Variants in AHDC1 observed in about 807,000 individuals in gnomAD.
AHDC1 encodes AT-hook DNA binding motif containing 1, also known as transcription factor Gibbin.
In AHDC1, 7 loss-of-function variants were observed where a neutral mutation model predicts 87.9. That is an observed-to-expected ratio of 0.08 (90% CI 0.05 to 0.15). The LOEUF is 0.15. AHDC1 is among the 10% of genes least tolerant of loss of function. AHDC1 has a pLI of 1.00. For missense variants in AHDC1, 1,841 were observed against 2,253.2 expected (o/e 0.82, Z 3.70); for synonymous variants, 1,051 against 1,006.8 (o/e 1.04, Z -0.83).
At chr1:27,557,301 C>T (rs992062809) in intron 5 of AHDC1, among the ~76,000 whole-genome samples, 1 of 151,238 alleles carries the variant, frequency 6.6e-6, no homozygotes, top group Non-Finnish European at 1.5e-5. Context: ...TTCCAGACTC[C>T]CGTCCTTGTC....
intron 3 of AHDC1, among the ~76,000 whole-genome samples, chr1:27,574,917 C>G (rs562728341): frequency 6.6e-6 from 1 of 152,332 alleles, no homozygotes; most frequent in East Asian, 1.9e-4. Context: ...CTTCTCTGGA[C>G]TCTGGGGCCT....
At position 27,548,260 on chromosome 1, in the gene AHDC1, G is replaced by A. The variant is rs1472036733; in HGVS notation, c.3856C>T (p.Arg1286Trp). 1.9e-6 allele frequency: 3 copies of A among 1,611,208 alleles called. No homozygotes were observed. The highest frequency in any genetic ancestry group is 2.5e-6 in the Non-Finnish European group (3 of 1,178,802). ...TTGGCTTTGGCCGCTGCGCCACCCC[G>A]CTCCTTCTTGGCTGAGCAGGCCCCA... ...GGGACSAKKE[R>W]GGAAAKAKFI... The change falls in exon 8 of 9, where the codon CGG (arginine) becomes TGG (tryptophan). Residue 1286 changes from arginine (R) to tryptophan (W), a missense_variant. Around this residue, in one of 13 missense-constraint regions of AHDC1, gnomAD observed 505 missense variants for 626.2 expected, o/e 0.81. Transcript: ENST00000673934.
chr1:27,593,719 C>T lies in AHDC1; in HGVS notation c.-629+9678G>A, dbSNP rs2089290643. Among the ~76,000 whole-genome samples the T allele has an allele frequency of 6.6e-6, 1 of 152,244 alleles. No homozygotes were observed. Among genetic ancestry groups the T allele is most frequent in the Non-Finnish European group, 1.5e-5 (1 of 68,040 alleles). On this transcript the variant is annotated intron_variant, in intron 3 of 8. Transcript: ENST00000673934. This position sits in a 1 kb window ranked among gnomAD's most constrained non-coding sequence, Gnocchi z 4.9. ...CTGAACCCCTCCCTATCTCACCAAT[C>T]CCTGCTATCCCCCCAGGGTGGGCAG...
intron 8 of AHDC1, among the ~76,000 whole-genome samples, chr1:27,538,480 T>C (rs1355180572): frequency 6.6e-6 from 1 of 150,754 alleles, no homozygotes; most frequent in Non-Finnish European, 1.5e-5. Context: ...CCAGAGTAAG[T>C]CCCTTCCCTC....
chr1:27,547,526 G>A lies in AHDC1; in HGVS notation c.4590C>T (p.Gly1530=), dbSNP rs746111715. ...CATAGCCAGCAGCGGCTGCAGCAGGGCCACGGGGTGGGCCAGGGGGCCGGG... is the reference window on the plus strand; with the variant it reads ...CATAGCCAGCAGCGGCTGCAGCAGGACCACGGGGTGGGCCAGGGGGCCGGG... ...EMARPPGPPR[G]PAAAAAGYGC... is the part of the protein sequence containing the mutation. The change falls in exon 8 of 9, where the codon GGC becomes GGT. Residue 1530 remains glycine, a synonymous_variant. Coordinates refer to ENST00000673934, the MANE Select transcript of AHDC1 (RefSeq NM_001371928.1). The surrounding 1 kb of genome is among the most constrained non-coding windows in gnomAD (Gnocchi z 4.9). 3.1e-6 allele frequency: 5 copies of A among 1,611,018 alleles called. No homozygotes were observed. The highest frequency in any genetic ancestry group is 2.2e-5 in the South Asian group (2 of 90,968).
chr1:27,573,468 C>T (rs114714443), intron 3 of AHDC1, among the ~76,000 whole-genome samples: 1,718 of 152,228 alleles, frequency 0.011, 27 homozygotes, highest in African/African-American at 0.038. Flanking sequence ...GAGGTGGAAC[C>T]GACTAGTTGG....
intron 8 of AHDC1, among the ~76,000 whole-genome samples, chr1:27,545,921 G>A (rs1213120095): frequency 6.6e-6 from 1 of 152,178 alleles, no homozygotes; most frequent in Non-Finnish European, 1.5e-5. Flanking sequence ...TCCTCCCGGA[G>A]GCCTCCGGAC....
Position 27,551,257 on chromosome 1 carries a change from C to T in AHDC1, c.859G>A (p.Ala287Thr), listed in dbSNP as rs755201756. The change falls in exon 8 of 9, where the codon GCA becomes ACA. Residue 287 changes from alanine to threonine, a missense_variant. Physicochemically the swap from Ala to Thr is moderately conservative, Grantham distance 58 (BLOSUM62 0). This residue lies in a region of AHDC1 where 370 missense variants were observed against 391.5 expected (regional missense o/e 0.95). Coordinates refer to ENST00000673934, the MANE Select transcript of AHDC1 (RefSeq NM_001371928.1). The part of the protein sequence containing the change: ...DPQPRFLDPQ[A>T]LEPLGEALEL... The stretch of plus-strand genomic sequence containing the variant: ...AGAGCTTCCCCGAGCGGCTCTAGTG[C>T]CTGCGGGTCCAGGAAGCGGGGCTGG... 2 of 1,609,958 alleles carry T rather than the reference C, an allele frequency of 1.2e-6. No homozygotes were observed. The highest frequency in any genetic ancestry group is 1.3e-5 in the African/African-American group (1 of 75,024).
chr1:27,544,373 T>C (rs1476015362), intron 8 of AHDC1, among the ~76,000 whole-genome samples: 6 of 152,080 alleles, frequency 3.9e-5, no homozygotes, highest in African/African-American at 1.4e-4. Context: ...CTGCCAGGTG[T>C]TTTCAGGTTT....
intron 3 of AHDC1, among the ~76,000 whole-genome samples, chr1:27,588,778 T>TA (rs1350431691): frequency 1.3e-5 from 2 of 152,018 alleles, no homozygotes; most frequent in Non-Finnish European, 2.9e-5. Flanking sequence ...TGTGTGTTTG[T>TA]AGGGGGGCTG....
chr1:27,552,068 GC>G lies in AHDC1; in HGVS notation c.47del (p.Cys16SerfsTer101). 6.7e-7 allele frequency: 1 copy of G among 1,498,252 alleles called. No homozygotes were observed. Among genetic ancestry groups the G allele is most frequent in the South Asian group, 1.3e-5 (1 of 76,182 alleles). The allele number at this position is 1,498,252 out of a possible 1,614,324, so 92.8% of individuals were successfully genotyped here. On this transcript the variant is annotated frameshift_variant, in exon 8 of 9. Transcript: ENST00000673934. LOFTEE classifies it high-confidence loss of function. ...GTTCCCGGAGGTAGTCAGGAGAGCTGCACACGGCACTGGAAGTCACCACCAG... is the reference window on the plus strand; with the variant it reads ...GTTCCCGGAGGTAGTCAGGAGAGCTGACACGGCACTGGAAGTCACCACCAG... ...QGLVVTSSAVCSSPDYLREPK... is the reference protein window; with the variant it reads ...QGLVVTSSAVXSSPDYLREPK...
chr1:27,554,615 G>A (rs539063480), intron 5 of AHDC1, among the ~76,000 whole-genome samples: 1 of 152,298 alleles, frequency 6.6e-6, no homozygotes, highest in South Asian at 2.1e-4. Context: ...GGATCTCAGG[G>A]AGCAGGGAGC....
intron 3 of AHDC1, 35 bp downstream of exon 3, chr1:27,603,362 C>A (rs1006566508): frequency 1.4e-4 from 22 of 152,370 alleles, no homozygotes; most frequent in African/African-American, 4.8e-4. Context: ...CGGTCCCCAG[C>A]GGGGGTCTGG....
chr1:27,561,193 G>C lies in AHDC1; in HGVS notation c.-628-2310C>G, dbSNP rs1331521441. Among the ~76,000 whole-genome samples the C allele has an allele frequency of 2.0e-5, 3 of 152,322 alleles. No individual in the cohort carries two copies. In the East Asian group the frequency reaches 5.8e-4, roughly 29 times the overall value. On this transcript the variant is annotated intron_variant, in intron 3 of 8. Coordinates refer to ENST00000673934, the MANE Select transcript of AHDC1 (RefSeq NM_001371928.1). The surrounding 1 kb of genome is among the most constrained non-coding windows in gnomAD (Gnocchi z 4.2). ...GAGGCCCAGGAGGAAGGAAAAGATGGAAATCTGGGTGGCCCTAGAGCCCTC... is the reference window on the plus strand; with the variant it reads ...GAGGCCCAGGAGGAAGGAAAAGATGCAAATCTGGGTGGCCCTAGAGCCCTC...
chr1:27,585,677 C>T (rs1003371741), intron 3 of AHDC1, among the ~76,000 whole-genome samples: 6 of 152,028 alleles, frequency 3.9e-5, no homozygotes, highest in Non-Finnish European at 8.8e-5. Context: ...GTGGCAGGGA[C>T]CCCCTCCTCC....
chr1:27,538,426 A>T (rs945277491), intron 8 of AHDC1, among the ~76,000 whole-genome samples: 2 of 150,800 alleles, frequency 1.3e-5, no homozygotes, highest in African/African-American at 4.9e-5. Context: ...AAACCAGAAA[A>T]GAAAAAGTGC....
In AHDC1 at chr1:27,557,698, CAT is replaced by C. The variant is rs1491535872; in HGVS notation, c.-225+605_-225+606del. 1.8e-4 allele frequency among the ~76,000 whole-genome samples: 28 copies of C among 152,328 alleles called. No homozygotes were observed. The East Asian group carries it at 4.2e-3, about 23-fold the overall frequency. The stretch of plus-strand genomic sequence containing the variant: ...TGTATTCAGATCTTGTCTATACACA[CAT>C]CTCTCCAGTGTACACTAGCACCCTT... On this transcript the variant is annotated intron_variant, in intron 5 of 8. Coordinates refer to ENST00000673934, the MANE Select transcript of AHDC1 (RefSeq NM_001371928.1).
intron 3 of AHDC1, among the ~76,000 whole-genome samples, chr1:27,592,073 C>T (rs1461679448): frequency 2.0e-5 from 3 of 152,180 alleles, no homozygotes; most frequent in African/African-American, 7.2e-5. Context: ...AGCCCCCTAG[C>T]TGTCTCCCCT....
rs1227612741 is a variant in AHDC1 at position 27,595,470 on chromosome 1, GAT to G, written c.-629+7925_-629+7926del. 6.2e-5 allele frequency among the ~76,000 whole-genome samples: 9 copies of G among 144,046 alleles called. No homozygotes were observed. The highest frequency in any genetic ancestry group is 1.4e-4 in the African/African-American group (5 of 34,590). The allele number at this position is 144,046 out of a possible 152,430, so 94.5% of individuals were successfully genotyped here. A position where few individuals can be genotyped will look rare whatever the true frequency, so the allele number is the denominator to read the frequency against. On this transcript the variant is annotated intron_variant, in intron 3 of 8. Transcript: ENST00000673934. This position sits in a 1 kb window ranked among gnomAD's most constrained non-coding sequence, Gnocchi z 4.0. The stretch of plus-strand genomic sequence containing the variant: ...GATAGCTGTGTGTGTGTGTGTGTGT[GAT>G]TGTGTGTGTGTTGGGGTGTTTAGGG...
Sources: gnomAD v4.1 joint callset for allele counts (sites outside exome capture counted in the v4.1 genomes callset) on GRCh38, gnomAD v4.1.1 for gene constraint, gnomAD v4.1.1 regional missense constraint, Gnocchi (gnomAD v3.1) non-coding constraint, MANE v1.5 for transcripts, NCBI Gene and HGNC (gene_info 2026-07-23, HGNC 2026-07-21) for gene names.